KIAA1958: variants seen among roughly 807,000 people sequenced by gnomAD.
The protein encoded by KIAA1958 is uncharacterized protein KIAA1958.
KIAA1958 carries 14 observed loss-of-function variants against 47.2 expected under a neutral mutation model. The observed-to-expected ratio is 0.30, with a 90% CI of 0.20 to 0.46. The LOEUF (loss-of-function observed/expected upper bound fraction) is 0.46. Among genes scored for constraint, KIAA1958 ranks in the 20% least tolerant of loss-of-function variants. The probability of loss-of-function intolerance (pLI) is 1.00; values close to 1 mark genes in which losing one functional copy is unlikely to be tolerated. For synonymous variants in KIAA1958, 354 were observed against 353.3 expected (o/e 1.00, Z -0.02); for missense variants, 803 against 909.2 (o/e 0.88, Z 1.50).
In KIAA1958 at chr9:112,643,783, T is replaced by A. The variant is rs116140094; in HGVS notation, c.1172-1867T>A. On this transcript the variant is annotated intron_variant, in intron 2 of 3. Coordinates refer to ENST00000337530, the MANE Select transcript of KIAA1958 (RefSeq NM_133465.4). ...AAAATAGTAAAGCAAATGTGAGGCA[T>A]AGACTGAAGAAGAGAATAAGGGAGT... Among the ~76,000 whole-genome samples, 1,069 of 152,104 alleles carry A rather than the reference T, an allele frequency of 7.0e-3. 13 individuals carry two copies. The highest frequency in any genetic ancestry group is 0.024 in the African/African-American group (1,012 of 41,466).
At chr9:112,573,937 C>G in intron 1 of KIAA1958, 120 bp from the exon 2 acceptor site, 1 of 560,936 alleles carries the variant, frequency 1.8e-6, no homozygotes, top group Non-Finnish European at 3.1e-6. Flanking sequence ...TAACTAGATT[C>G]AGTTTTGAAG....
intron 1 of KIAA1958, among the ~76,000 whole-genome samples, chr9:112,523,627 T>TTTTA (rs1466727229): frequency 6.6e-6 from 1 of 152,184 alleles, no homozygotes; most frequent in African/African-American, 2.4e-5. Context: ...GATCTCTTGC[T>TTTTA]TTTACTCTTT....
chr9:112,548,193 A>G (rs1383300704), intron 1 of KIAA1958, among the ~76,000 whole-genome samples: 1 of 151,756 alleles, frequency 6.6e-6, no homozygotes, highest in Non-Finnish European at 1.5e-5. Flanking sequence ...GATAAGTTTC[A>G]CTGTGTTGCC....
chr9:112,543,820 G>A (rs765309342), intron 1 of KIAA1958, among the ~76,000 whole-genome samples: 1 of 151,972 alleles, frequency 6.6e-6, no homozygotes, highest in Non-Finnish European at 1.5e-5. Flanking sequence ...TGATCCACCC[G>A]CCTCGGCCTC....
At chr9:112,540,190 G>A (rs1010433061) in intron 1 of KIAA1958, among the ~76,000 whole-genome samples, 5 of 152,150 alleles carry the variant, frequency 3.3e-5, no homozygotes, top group African/African-American at 7.2e-5. Flanking sequence ...TGCCAGTTTG[G>A]GTTATCAAGA....
intron 1 of KIAA1958, among the ~76,000 whole-genome samples, chr9:112,554,861 G>A (rs1295266786): frequency 2.0e-5 from 3 of 152,148 alleles, no homozygotes; most frequent in African/African-American, 7.2e-5. Flanking sequence ...CACTGTTACA[G>A]TGTGTGCATT....
At chr9:112,526,916 C>T (rs946054804) in intron 1 of KIAA1958, among the ~76,000 whole-genome samples, 14 of 152,130 alleles carry the variant, frequency 9.2e-5, no homozygotes, top group Admixed American at 8.5e-4. Flanking sequence ...TGGACAGCTC[C>T]GGGAGGTACT....
chr9:112,553,081 TTTTCC>T (rs1304008513), intron 1 of KIAA1958, among the ~76,000 whole-genome samples: 1 of 147,948 alleles, frequency 6.8e-6, no homozygotes, highest in African/African-American at 2.5e-5. Flanking sequence ...CTCCACACCC[TTTTCC>T]TTTCCTTTCC....
At chr9:112,584,883 G>T (rs1231232177) in intron 2 of KIAA1958, among the ~76,000 whole-genome samples, 1 of 152,148 alleles carries the variant, frequency 6.6e-6, no homozygotes, top group African/African-American at 2.4e-5. Context: ...CATGCTCCCC[G>T]CCCCGCCTTT....
At chr9:112,655,177 A>T (rs1050253779) in intron 3 of KIAA1958, among the ~76,000 whole-genome samples, 2 of 152,122 alleles carry the variant, frequency 1.3e-5, no homozygotes, top group Non-Finnish European at 2.9e-5. Flanking sequence ...TTTGTAATGG[A>T]TGTCACATTT....
chr9:112,563,077 C>CTG (rs1286084023), intron 1 of KIAA1958, among the ~76,000 whole-genome samples: 1 of 73,920 alleles, frequency 1.4e-5, no homozygotes, highest in Admixed American at 1.6e-4. Context: ...CTCTCTCTCT[C>CTG]TCTCTCTCTA....
At chr9:112,573,534 G>A (rs1835576136) in intron 1 of KIAA1958, among the ~76,000 whole-genome samples, 1 of 152,140 alleles carries the variant, frequency 6.6e-6, no homozygotes. Flanking sequence ...CCCAGTAGAG[G>A]ACTGGCTTGC....
At chr9:112,587,397 G>A (rs1234445225) in intron 2 of KIAA1958, among the ~76,000 whole-genome samples, 3 of 152,100 alleles carry the variant, frequency 2.0e-5, no homozygotes, top group African/African-American at 7.2e-5. Context: ...TGATCCACCC[G>A]CTTTGGCCCC....
At chr9:112,604,913 AC>A (rs1836200902) in intron 2 of KIAA1958, among the ~76,000 whole-genome samples, 1 of 147,890 alleles carries the variant, frequency 6.8e-6, no homozygotes, top group East Asian at 1.9e-4. Context: ...TATTTTATAT[AC>A]TATATAAATA....
At position 112,659,382 on chromosome 9, in the gene KIAA1958, C is replaced by T. The variant is rs775236465; in HGVS notation, c.1464C>T (p.Ile488=). Residue 488 remains isoleucine (I), a synonymous_variant, in exon 4 of 4, where the codon ATC becomes ATT. Coordinates refer to ENST00000337530, the MANE Select transcript of KIAA1958 (RefSeq NM_133465.4). ...CTATTCGCCGAGGCCTGGACCGCAT[C>T]CTGAAGAATGCAGGTGTCGGCTTTT... ...LHAIRRGLDR[I]LKNAGVGFSI... 1 of 1,614,152 alleles carries T rather than the reference C, an allele frequency of 6.2e-7. No homozygotes were observed. The highest frequency in any genetic ancestry group is 1.7e-5 in the Admixed American group (1 of 60,010).
rs561278065 is a variant in KIAA1958, at chr9:112,489,214, A to T, written c.-25+2096A>T. Among the ~76,000 whole-genome samples the T allele has an allele frequency of 2.8e-4, 43 of 152,348 alleles. No homozygotes were observed. In the South Asian group the frequency reaches 3.1e-3, roughly 11 times the overall value. ...CCACTCTCAGAATTTCAGCACTTAG[A>T]TATACGTACTCTTCCTTAGCTCTTT... is the stretch of plus-strand genomic sequence containing the variant. On this transcript the variant is annotated intron_variant, in intron 1 of 3. Transcript: ENST00000337530.
chr9:112,526,411 G>T (rs979423724), intron 1 of KIAA1958, among the ~76,000 whole-genome samples: 1 of 151,854 alleles, frequency 6.6e-6, no homozygotes, highest in Non-Finnish European at 1.5e-5. Flanking sequence ...GCACCACCAC[G>T]CCCAGCTAAT....
At chr9:112,583,374 G>C (rs1415269297) in intron 2 of KIAA1958, among the ~76,000 whole-genome samples, 1 of 152,200 alleles carries the variant, frequency 6.6e-6, no homozygotes, top group Non-Finnish European at 1.5e-5. Flanking sequence ...ATGGGGACAT[G>C]CTGGTGGAAA....
intron 1 of KIAA1958, among the ~76,000 whole-genome samples, chr9:112,541,446 A>C (rs1031938543): frequency 6.6e-6 from 1 of 152,200 alleles, no homozygotes; most frequent in African/African-American, 2.4e-5. Context: ...GGACTGATAG[A>C]AGTTCTTACA....
Sources: gnomAD v4.1 joint callset for allele counts (sites outside exome capture counted in the v4.1 genomes callset) on GRCh38, gnomAD v4.1.1 for gene constraint, MANE v1.5 for transcripts, NCBI Gene and HGNC (gene_info 2026-07-23, HGNC 2026-07-21) for gene names.